The following TCF12 variants were observed in gnomAD, a reference collection of about 807,000 sequenced individuals.
TCF12 encodes the protein transcription factor 12.
Under a neutral mutation model 86.0 loss-of-function variants are expected in TCF12, and 45 were observed. The ratio of observed to expected loss-of-function variants is 0.52; its 90% CI spans 0.41 to 0.67. The LOEUF is 0.67. Ranked by LOEUF, TCF12 falls within the 30% of genes least tolerant of loss-of-function variation. The pLI is 0.00. For missense variants in TCF12, 881 were observed against 859.9 expected (o/e 1.02, Z -0.31); for synonymous variants, 330 against 299.6 (o/e 1.10, Z -1.05).
At chr15:57,181,258 GT>G (rs1223587397) in intron 6 of TCF12, among the ~76,000 whole-genome samples, 11 of 151,668 alleles carry the variant, frequency 7.3e-5, no homozygotes, top group African/African-American at 2.4e-4. Flanking sequence ...TTCCCTTTCT[GT>G]TTTTTTTATT....
chr15:57,063,034 A>G (rs1480012912), intron 3 of TCF12, among the ~76,000 whole-genome samples: 3 of 152,210 alleles, frequency 2.0e-5, no homozygotes, highest in African/African-American at 7.2e-5. Flanking sequence ...GTGTCAGAAG[A>G]TGCATTAAGG....
intron 20 of TCF12, among the ~76,000 whole-genome samples, chr15:57,283,980 G>A (rs1473351403): frequency 6.6e-6 from 1 of 152,080 alleles, no homozygotes; most frequent in Non-Finnish European, 1.5e-5. Context: ...TAGCACACTG[G>A]AGAAAACCTC....
intron 4 of TCF12, among the ~76,000 whole-genome samples, chr15:57,075,057 TA>T (rs1462715541): frequency 1.7e-4 from 26 of 152,328 alleles, no homozygotes; most frequent in African/African-American, 6.0e-4. Flanking sequence ...AATAATTATT[TA>T]AATGTCATTT....
chr15:57,137,271 C>T (rs2052617014), intron 5 of TCF12, among the ~76,000 whole-genome samples: 1 of 152,286 alleles, frequency 6.6e-6, no homozygotes, highest in South Asian at 2.1e-4. Context: ...CGTGAGCCAC[C>T]ACGCCCGGCC....
intron 3 of TCF12, among the ~76,000 whole-genome samples, chr15:56,987,863 G>A (rs1195602354): frequency 2.6e-5 from 4 of 152,028 alleles, no homozygotes; most frequent in African/African-American, 9.7e-5. Flanking sequence ...GATAAACTCA[G>A]GAAATAAACC....
At chr15:56,938,727 A>G (rs1328935072) in intron 3 of TCF12, among the ~76,000 whole-genome samples, 1 of 149,646 alleles carries the variant, frequency 6.7e-6, no homozygotes, top group Non-Finnish European at 1.5e-5. Context: ...CCCCTTCATG[A>G]CATCATCTAG....
intron 5 of TCF12, among the ~76,000 whole-genome samples, chr15:57,110,955 A>C (rs1174482420): frequency 3.3e-5 from 5 of 152,210 alleles, no homozygotes; most frequent in Non-Finnish European, 5.9e-5. Flanking sequence ...TCCTGGGCTA[A>C]AATGGGTCAG....
At chr15:57,270,290 G>C (rs547053648) in intron 18 of TCF12, among the ~76,000 whole-genome samples, 1 of 151,942 alleles carries the variant, frequency 6.6e-6, no homozygotes, top group African/African-American at 2.4e-5. Flanking sequence ...TTGTCTTCTC[G>C]CATTATTTCA....
In TCF12 at chr15:57,091,805, C is replaced by T. The variant is rs753743656; in HGVS notation, c.239C>T (p.Pro80Leu). Residue 80 changes from proline to leucine, a missense_variant, in exon 5 of 21, where the codon CCT (proline) becomes CTT (leucine). Pro to Leu is a moderately conservative substitution (Grantham distance 98). Around this residue, in one of 3 missense-constraint regions of TCF12, gnomAD observed 766 missense variants for 718.9 expected, o/e 1.07. Transcript: ENST00000333725. Reference sequence around the variant, plus strand: ...TCCCCCTAGGGTTTTACAGACAGCCCTCATTACAGTGATCACTTGAATGAC... The same window carrying T: ...TCCCCCTAGGGTTTTACAGACAGCCTTCATTACAGTGATCACTTGAATGAC... ...YDSSRGFTDS[P>L]HYSDHLNDSR... 2.5e-6 allele frequency: 4 copies of T among 1,613,622 alleles called. No homozygotes were observed. The highest frequency in any genetic ancestry group is 1.1e-5 in the South Asian group (1 of 91,046).
intron 5 of TCF12, among the ~76,000 whole-genome samples, chr15:57,094,979 A>G (rs1173347667): frequency 6.6e-6 from 1 of 152,254 alleles, no homozygotes; most frequent in African/African-American, 2.4e-5. Flanking sequence ...ATGATTCAGT[A>G]ATGAACAATT....
intron 3 of TCF12, among the ~76,000 whole-genome samples, chr15:56,993,396 C>G (rs2063546991): frequency 1.3e-5 from 2 of 152,270 alleles, no homozygotes; most frequent in Middle Eastern, 3.4e-3. Context: ...CTTTTTCCTT[C>G]TTCATCTCTT....
intron 16 of TCF12, among the ~76,000 whole-genome samples, chr15:57,256,058 T>C (rs1219301299): frequency 6.6e-6 from 1 of 152,224 alleles, no homozygotes; most frequent in Non-Finnish European, 1.5e-5. Context: ...ATAAGATGTA[T>C]CTGGCAGGCT....
chr15:57,283,402 T>A (rs1046620693), intron 20 of TCF12, among the ~76,000 whole-genome samples: 16 of 152,026 alleles, frequency 1.1e-4, no homozygotes, highest in Non-Finnish European at 1.6e-4. Context: ...CTAGCTGGGA[T>A]TACAGGTGTG....
At chr15:57,265,303 C>CT (rs2060810547) in intron 18 of TCF12, among the ~76,000 whole-genome samples, 1 of 152,036 alleles carries the variant, frequency 6.6e-6, no homozygotes, top group Non-Finnish European at 1.5e-5. Context: ...TGGGTTTTCT[C>CT]TAAGTACTCC....
chr15:56,918,227 T>C (rs1183014574), upstream of TCF12: 2 of 456,166 alleles, frequency 4.4e-6, no homozygotes, highest in Non-Finnish European at 8.8e-6. Flanking sequence ...CAGCCTTCAG[T>C]GTCCTGCGGC....
At chr15:57,001,841 A>G (rs1284668201) in intron 3 of TCF12, among the ~76,000 whole-genome samples, 2 of 152,174 alleles carry the variant, frequency 1.3e-5, no homozygotes, top group Admixed American at 1.3e-4. Context: ...TAAGAGTTCA[A>G]GGAGAAAGCC....
intron 3 of TCF12, among the ~76,000 whole-genome samples, chr15:56,933,502 T>G (rs1028916193): frequency 6.6e-6 from 1 of 152,164 alleles, no homozygotes; most frequent in Admixed American, 6.5e-5. Flanking sequence ...AGGAGCAGTT[T>G]GGAGATTCGA....
chr15:57,246,498 C>T (rs2059864748), intron 13 of TCF12, among the ~76,000 whole-genome samples: 1 of 152,030 alleles, frequency 6.6e-6, no homozygotes, highest in African/African-American at 2.4e-5. Context: ...AGTTCTTCCT[C>T]AGGCTGGTAG....
chr15:57,076,205 GT>G (rs1323815535), intron 4 of TCF12, among the ~76,000 whole-genome samples: 1 of 152,036 alleles, frequency 6.6e-6, no homozygotes, highest in African/African-American at 2.4e-5. Context: ...TAAGATCATA[GT>G]TTCTCAAACT....
Sources: gnomAD v4.1 joint callset for allele counts (sites outside exome capture counted in the v4.1 genomes callset) on GRCh38, gnomAD v4.1.1 for gene constraint, gnomAD v4.1.1 regional missense constraint, MANE v1.5 for transcripts, NCBI Gene and HGNC (gene_info 2026-07-23, HGNC 2026-07-21) for gene names.